Variants in MYO18B observed in about 807,000 individuals in gnomAD.
MYO18B encodes the protein myosin XVIIIB.
In MYO18B, 204 loss-of-function variants were observed where a neutral mutation model predicts 273.0. The observed-to-expected ratio is 0.75, with a 90% CI of 0.67 to 0.84. MYO18B has a LOEUF of 0.84. MYO18B is among the 40% of genes least tolerant of loss of function. The pLI, the probability that MYO18B is intolerant of heterozygous loss-of-function variation, is 0.00. For missense variants in MYO18B, 3,212 were observed against 3,287.6 expected, an observed-to-expected ratio of 0.98 and a Z score of 0.56; for synonymous variants, 1,330 against 1,305.7, an observed-to-expected ratio of 1.02 and a Z score of -0.40.
intron 39 of MYO18B, among the ~76,000 whole-genome samples, chr22:25,970,851 G>A (rs2093029864): frequency 6.6e-6 from 1 of 152,218 alleles, no homozygotes; most frequent in African/African-American, 2.4e-5. Context: ...TCAGGCTCCT[G>A]CCTTTGTGAG....
At position 25,760,956 on chromosome 22, in the gene MYO18B, C is replaced by T. The variant is rs941774428; in HGVS notation, c.-109-28C>T. On this transcript the variant is annotated intron_variant, in intron 1 of 43. Coordinates refer to ENST00000335473, the MANE Select transcript of MYO18B (RefSeq NM_032608.7). The stretch of plus-strand genomic sequence containing the variant: ...CCATGAGCTAACCTGTCTCTCTCTT[C>T]TCTCCCCACTGTGTCCCTGTGTGTC... The T allele has an allele frequency of 1.0e-5, 10 of 969,730 alleles. No homozygotes were observed. The African/African-American group carries it at 1.3e-4, about 12-fold the overall frequency. The allele number at this position is 969,730 out of a possible 1,614,324, so 60.1% of individuals were successfully genotyped here.
intron 17 of MYO18B, among the ~76,000 whole-genome samples, chr22:25,841,675 CG>C (rs1368196547): frequency 3.9e-5 from 6 of 152,108 alleles, no homozygotes. Context: ...TGCTAGGAGC[CG>C]GGGCTTAGCA....
chr22:25,868,293 C>T (rs2090947891), intron 21 of MYO18B, 27 bp from the exon 22 acceptor site: 1 of 1,579,106 alleles, frequency 6.3e-7, no homozygotes, highest in African/African-American at 1.3e-5. Context: ...TCTATGCTGT[C>T]TAACTTCTCT....
At chr22:25,820,813 C>A (rs1174584196) in intron 12 of MYO18B, among the ~76,000 whole-genome samples, 2 of 152,166 alleles carry the variant, frequency 1.3e-5, no homozygotes, top group Non-Finnish European at 2.9e-5. Flanking sequence ...ACAACTCTCT[C>A]CCTATCCGCC....
At chr22:25,926,076 GA>G (rs2022224185) in intron 34 of MYO18B, among the ~76,000 whole-genome samples, 1 of 150,980 alleles carries the variant, frequency 6.6e-6, no homozygotes, top group African/African-American at 2.4e-5. Context: ...GCAGTGACAG[GA>G]GCCTGTAGTT....
At chr22:26,021,785 G>T (rs1455223003) in intron 42 of MYO18B, among the ~76,000 whole-genome samples, 2 of 152,176 alleles carry the variant, frequency 1.3e-5, no homozygotes, top group Non-Finnish European at 2.9e-5. Flanking sequence ...GTGCCTGGAG[G>T]TCATAATCCC....
intron 41 of MYO18B, among the ~76,000 whole-genome samples, chr22:26,004,245 A>G (rs181413391): frequency 2.3e-4 from 34 of 149,178 alleles, no homozygotes; most frequent in Admixed American, 2.1e-3. Context: ...CCGCTTTCAG[A>G]ATCAGGGGAC....
intron 34 of MYO18B, among the ~76,000 whole-genome samples, chr22:25,940,354 C>G (rs749438936): frequency 3.9e-5 from 6 of 152,302 alleles, no homozygotes; most frequent in South Asian, 2.1e-4. Flanking sequence ...GTAAGACATG[C>G]CTTTGCTTCT....
At chr22:25,948,699 C>G (rs1234082509) in intron 36 of MYO18B, among the ~76,000 whole-genome samples, 1 of 151,858 alleles carries the variant, frequency 6.6e-6, no homozygotes, top group Non-Finnish European at 1.5e-5. Context: ...GAAGCACATC[C>G]CATTCCCACC....
chr22:25,950,466 CA>C lies in MYO18B; in HGVS notation c.5832+17del. On this transcript the variant is annotated intron_variant, in intron 37 of 43. Coordinates refer to ENST00000335473, the MANE Select transcript of MYO18B (RefSeq NM_032608.7). ...ACAAGAACAAGTATGTGCTCAGAGC[CA>C]TCCTATAGTTGTATTAGTCAGGGTT... 1.3e-6 allele frequency: 2 copies of C among 1,586,428 alleles called. No individual in the cohort carries two copies.
chr22:25,961,930 C>A (rs551607249), intron 39 of MYO18B, among the ~76,000 whole-genome samples: 12 of 152,346 alleles, frequency 7.9e-5, no homozygotes, highest in African/African-American at 2.9e-4. Context: ...TCCTCTCTGT[C>A]TTGCTTCTGC....
At chr22:25,989,156 A>G (rs1393952214) in intron 39 of MYO18B, among the ~76,000 whole-genome samples, 9 of 152,126 alleles carry the variant, frequency 5.9e-5, no homozygotes, top group Non-Finnish European at 1.3e-4. Flanking sequence ...CAAAACGAGG[A>G]GGGGATGTCT....
chr22:25,833,167 A>G (rs1044658406), intron 16 of MYO18B, among the ~76,000 whole-genome samples, 170 bp downstream of exon 16: 1 of 152,182 alleles, frequency 6.6e-6, no homozygotes, highest in Non-Finnish European at 1.5e-5. Context: ...TTCTGTGTAA[A>G]TTGTTCTGAG....
At chr22:26,021,153 C>T (rs1935783984) in intron 42 of MYO18B, among the ~76,000 whole-genome samples, 1 of 152,208 alleles carries the variant, frequency 6.6e-6, no homozygotes, top group South Asian at 2.1e-4. Flanking sequence ...GAACTCAGGT[C>T]TCTCTGCATC....
Position 25,780,266 on chromosome 22 carries a change from C to T in MYO18B, c.2211+68C>T, listed in dbSNP as rs960893625. ...CTGTGTCTCTAACCCCGGGACTCAG[C>T]AGAGCCCACGCCTCCAGCTGGGACT... is the stretch of plus-strand genomic sequence containing the variant. On this transcript the variant is annotated intron_variant, in intron 9 of 43. Coordinates refer to ENST00000335473, the MANE Select transcript of MYO18B (RefSeq NM_032608.7). 9 of 1,514,958 alleles carry T rather than the reference C, an allele frequency of 5.9e-6. No individual in the cohort carries two copies. In the South Asian group the frequency reaches 6.1e-5, roughly 10 times the overall value. The allele number at this position is 1,514,958 out of a possible 1,614,324, so 93.8% of individuals were successfully genotyped here.
chr22:25,793,134 G>A (rs2087753097), intron 11 of MYO18B, among the ~76,000 whole-genome samples: 2 of 152,230 alleles, frequency 1.3e-5, no homozygotes, highest in African/African-American at 4.8e-5. Context: ...CGTTTATTGA[G>A]TACCACTGTG....
the MYO18B span, among the ~76,000 whole-genome samples, chr22:26,037,994 G>T: frequency 3.9e-5 from 6 of 152,310 alleles, no homozygotes; most frequent in South Asian, 1.2e-3. Flanking sequence ...TGCTGGCAGG[G>T]CCCAGCTGGT....
At chr22:25,929,837 T>C (rs541435038) in intron 34 of MYO18B, among the ~76,000 whole-genome samples, 1 of 152,296 alleles carries the variant, frequency 6.6e-6, no homozygotes, top group Admixed American at 6.5e-5. Flanking sequence ...TCTGGTCTTG[T>C]CTGAGCAATC....
intron 39 of MYO18B, among the ~76,000 whole-genome samples, chr22:25,961,514 C>T (rs1369686485): frequency 1.3e-5 from 2 of 152,160 alleles, no homozygotes; most frequent in Non-Finnish European, 2.9e-5. Flanking sequence ...TTCCTGGAGA[C>T]TCCAGGAGCC....
Sources: allele counts gnomAD v4.1 joint callset (sites outside exome capture counted in the v4.1 genomes callset), GRCh38; gene constraint gnomAD v4.1.1; transcripts MANE v1.5; gene names NCBI Gene and HGNC (gene_info 2026-07-23, HGNC 2026-07-21).